Variants in TP73 observed in about 807,000 individuals in gnomAD.
TP73 encodes tumor protein p73, also known as p53-like transcription factor.
A neutral mutation model predicts 62.5 loss-of-function variants in TP73; 25 were observed. The ratio of observed to expected loss-of-function variants is 0.40; its 90% CI spans 0.29 to 0.56. The LOEUF (loss-of-function observed/expected upper bound fraction) is 0.56. Among genes scored for constraint, TP73 ranks in the 20% least tolerant of loss-of-function variants. The pLI is 0.46. For synonymous variants in TP73, 423 were observed against 377.5 expected (o/e 1.12, Z -1.40); for missense variants, 754 against 913.3 (o/e 0.83, Z 2.25).
intron 4 of TP73, among the ~76,000 whole-genome samples, chr1:3,710,323 C>G (rs1640029938): frequency 1.3e-5 from 2 of 152,088 alleles, no homozygotes. Context: ...TTTTTGGCAC[C>G]TCAGCTCTCT....
rs541898073 is a variant in TP73 at position 3,727,847 on chromosome 1, C to T, written c.985+77C>T. On this transcript the variant is annotated intron_variant, in intron 8 of 13. Coordinates refer to ENST00000378295, the MANE Select transcript of TP73 (RefSeq NM_005427.4). The stretch of plus-strand genomic sequence containing the variant: ...ATTGGCAGGACACAATGTGAGCCCG[C>T]GTCCCAGGGACAGGGCCAGTCCCTG... The T allele has an allele frequency of 8.5e-5, 124 of 1,453,054 alleles. No individual in the cohort carries two copies. The African/African-American group carries it at 1.4e-3, about 16-fold the overall frequency. The allele number at this position is 1,453,054 out of a possible 1,614,324, so 90.0% of individuals were successfully genotyped here.
chr1:3,681,599 G>A (rs1645521886), intron 1 of TP73, among the ~76,000 whole-genome samples: 1 of 152,190 alleles, frequency 6.6e-6, no homozygotes, highest in Non-Finnish European at 1.5e-5. Flanking sequence ...CAAGTTCCCA[G>A]CCTTGCCAGG....
intron 9 of TP73, 78 bp downstream of exon 9, chr1:3,728,295 G>A: frequency 1.4e-6 from 2 of 1,475,018 alleles, no homozygotes; most frequent in Non-Finnish European, 9.3e-7. Context: ...TGGGCCATGG[G>A]GAGGGACTCT....
chr1:3,731,134 T>C (rs1427539364), intron 12 of TP73, 69 bp downstream of exon 12: 3 of 1,562,570 alleles, frequency 1.9e-6, no homozygotes, highest in African/African-American at 1.3e-5. Flanking sequence ...CTTCTGGCCA[T>C]GTCAGCTGCC....
At chr1:3,730,584 G>A (rs1019467862) in intron 11 of TP73, among the ~76,000 whole-genome samples, 8 of 152,158 alleles carry the variant, frequency 5.3e-5, no homozygotes, top group Admixed American at 1.3e-4. Context: ...AGGTCCTCAT[G>A]TGGGCAGGAC....
At chr1:3,682,489 C>T in intron 2 of TP73, 59 bp downstream of exon 2, 1 of 1,389,960 alleles carries the variant, frequency 7.2e-7, no homozygotes, top group Non-Finnish European at 9.5e-7. Flanking sequence ...CTGGGCTAGC[C>T]TCAGCCACCT....
At chr1:3,693,226 C>T (rs948577941) in intron 3 of TP73, among the ~76,000 whole-genome samples, 1 of 152,192 alleles carries the variant, frequency 6.6e-6, no homozygotes, top group African/African-American at 2.4e-5. Context: ...ATGACCTCAT[C>T]TTACTGCAGG....
chr1:3,723,066 C>G (rs772616966), intron 5 of TP73, among the ~76,000 whole-genome samples: 5 of 149,616 alleles, frequency 3.3e-5, no homozygotes, highest in Non-Finnish European at 7.4e-5. Context: ...GGGCACCTCT[C>G]TGCACCTGGC....
chr1:3,704,607 C>G (rs755233455), intron 3 of TP73, among the ~76,000 whole-genome samples: 38 of 152,246 alleles, frequency 2.5e-4, no homozygotes, highest in Non-Finnish European at 4.8e-4. Flanking sequence ...ACAGTGACCT[C>G]TGAGCCCGGA....
At chr1:3,730,580 T>C (rs112742364) in intron 11 of TP73, among the ~76,000 whole-genome samples, 3,109 of 152,260 alleles carry the variant, frequency 0.02, 103 homozygotes, top group African/African-American at 0.071. Flanking sequence ...TGGAAGGTCC[T>C]CATGTGGGCA....
intron 4 of TP73, among the ~76,000 whole-genome samples, chr1:3,714,536 C>G (rs1640433074): frequency 6.6e-6 from 1 of 152,250 alleles, no homozygotes; most frequent in East Asian, 1.9e-4. Context: ...AGGCCTGTTG[C>G]CAGCCTGCTG....
Position 3,666,925 on chromosome 1 carries a change from G to A in TP73, c.-34+14284G>A, listed in dbSNP as rs187378912. Among the ~76,000 whole-genome samples, 67 of 152,254 alleles carry A rather than the reference G, an allele frequency of 4.4e-4. 2 individuals are homozygous for A. In the South Asian group the frequency reaches 0.011, roughly 26 times the overall value. On this transcript the variant is annotated intron_variant, in intron 1 of 13. Transcript: ENST00000378295. The surrounding 1 kb of genome is among the most constrained non-coding windows in gnomAD (Gnocchi z 6.4). ...CTTCACGTCCCAATCCCCAGAACCC[G>A]TGTCTATGTTATTTCCCATGGCAAA...
chr1:3,722,126 C>G lies in TP73; in HGVS notation c.535C>G (p.Pro179Ala). Reference protein sequence around the residue: ...PPPGTAIRAMPVYKKAEHVTD... With the variant: ...PPPGTAIRAMAVYKKAEHVTD... ...CCCAGGCACCGCCATCCGGGCCATG[C>G]CTGTTTACAAGAAAGCGGAGCACGT... The change falls in exon 5 of 14, where the codon CCT becomes GCT. Residue 179 changes from proline (P) to alanine (A), a missense_variant. Transcript: ENST00000378295. 6.2e-7 allele frequency: 1 copy of G among 1,612,912 alleles called. No individual in the cohort carries two copies. The highest frequency in any genetic ancestry group is 8.5e-7 in the Non-Finnish European group (1 of 1,179,878).
chr1:3,664,388 G>T (rs748874297), intron 1 of TP73, among the ~76,000 whole-genome samples: 8 of 152,340 alleles, frequency 5.3e-5, no homozygotes, highest in Non-Finnish European at 1.0e-4. Flanking sequence ...TGTCAGGCAG[G>T]GTTGGGGGTG....
At chr1:3,730,822 C>A in intron 11 of TP73, 105 bp from the exon 12 acceptor site, 1 of 1,417,554 alleles carries the variant, frequency 7.1e-7, no homozygotes, top group Non-Finnish European at 9.4e-7. Context: ...ATCGCCAGGC[C>A]TTGGGATGGC....
At chr1:3,665,883 C>G (rs1457842777) in intron 1 of TP73, among the ~76,000 whole-genome samples, 1 of 146,990 alleles carries the variant, frequency 6.8e-6, no homozygotes, top group Non-Finnish European at 1.5e-5. Context: ...ACCTGTAATC[C>G]CAGCACTTTG....
At chr1:3,695,135 G>A (rs1032419501) in intron 3 of TP73, among the ~76,000 whole-genome samples, 1 of 152,274 alleles carries the variant, frequency 6.6e-6, no homozygotes, top group Non-Finnish European at 1.5e-5. Flanking sequence ...CAACCCCGAG[G>A]TGGACACAGA....
In TP73 at chr1:3,692,913, G is replaced by A. The variant is rs80350526; in HGVS notation, c.186+9733G>A. ...CTGCAGGAGCTGCTGGTGTCCACTC[G>A]GCTGCTGCTGCCCGGTGCCCTGGGC... On this transcript the variant is annotated intron_variant, in intron 3 of 13. Transcript: ENST00000378295. Among the ~76,000 whole-genome samples, 685 of 152,306 alleles carry A rather than the reference G, an allele frequency of 4.5e-3. 36 individuals are homozygous for A. The East Asian group carries it at 0.091, about 20-fold the overall frequency.
intron 3 of TP73, among the ~76,000 whole-genome samples, chr1:3,686,630 C>T (rs750796178): frequency 2.7e-4 from 41 of 152,242 alleles, no homozygotes; most frequent in Admixed American, 1.5e-3. Flanking sequence ...CTAGAGGAGT[C>T]CCAGGCCACA....
Sources: allele counts gnomAD v4.1 joint callset (sites outside exome capture counted in the v4.1 genomes callset), GRCh38; gene constraint gnomAD v4.1.1; non-coding constraint Gnocchi (gnomAD v3.1); transcripts MANE v1.5; gene names NCBI Gene and HGNC (gene_info 2026-07-23, HGNC 2026-07-21).